THBS3: variants seen among roughly 807,000 people sequenced by gnomAD.
THBS3 encodes thrombospondin 3, also known as thrombospondin-3.
THBS3 carries 78 observed loss-of-function variants against 118.3 expected under a neutral mutation model. That is an observed-to-expected ratio of 0.66 (90% CI 0.55 to 0.80). The LOEUF (loss-of-function observed/expected upper bound fraction) is 0.80, where lower values mean the gene tolerates loss of function less well. Among genes scored for constraint, THBS3 ranks in the 30% least tolerant of loss-of-function variants. The probability of loss-of-function intolerance (pLI) is 0.00; values close to 1 mark genes in which losing one functional copy is unlikely to be tolerated. For missense variants in THBS3, 1,057 were observed against 1,247.4 expected, an observed-to-expected ratio of 0.85 and a Z score of 2.30; for synonymous variants, 427 against 475.3, an observed-to-expected ratio of 0.90 and a Z score of 1.32.
In THBS3 at chr1:155,206,710, C is replaced by T. The variant is rs1020391541; in HGVS notation, c.80-304G>A. Among the ~76,000 whole-genome samples the T allele has an allele frequency of 3.9e-5, 6 of 152,120 alleles. No individual in the cohort carries two copies. Among genetic ancestry groups the T allele is most frequent in the South Asian group, 4.2e-4 (2 of 4,816 alleles). On this transcript the variant is annotated intron_variant, in intron 1 of 22. Coordinates refer to ENST00000368378, the MANE Select transcript of THBS3 (RefSeq NM_007112.5). This position sits in a 1 kb window ranked among gnomAD's most constrained non-coding sequence, Gnocchi z 4.2. The stretch of plus-strand genomic sequence containing the variant: ...AAAACCACCTAGCCGGGCGTGGTGG[C>T]GGGCACCTGTAATCCCAGCTACTCA...
intron 21 of THBS3, chr1:155,196,704 G>C (rs1019449527): frequency 3.3e-6 from 1 of 298,584 alleles, no homozygotes; most frequent in Non-Finnish European, 6.3e-6. Flanking sequence ...TTCCAGGTCA[G>C]ATGATCCCTA....
rs1430492921 is a variant in THBS3, at chr1:155,205,246, A to G, written c.357T>C (p.Asp119=). ...AVNLQQAGLA[D]GRTHTVLLRL... ...GCAGGAGAACTGTGTGTGTGCGCCC[A>G]TCAGCCAGGCCCGCTTGCTGTAGGT... Residue 119 remains aspartate (D), a synonymous_variant, in exon 3 of 23, where the codon GAT becomes GAC. Coordinates refer to ENST00000368378, the MANE Select transcript of THBS3 (RefSeq NM_007112.5). The G allele has an allele frequency of 6.2e-7, 1 of 1,614,138 alleles. No individual in the cohort carries two copies. Among genetic ancestry groups the G allele is most frequent in the Admixed American group, 1.7e-5 (1 of 60,016 alleles).
At chr1:155,201,816 A>G in intron 10 of THBS3, 141 bp downstream of exon 10, 1 of 1,308,560 alleles carries the variant, frequency 7.6e-7, no homozygotes. Context: ...AGTATTCCAA[A>G]CCAAGTCCAT....
Position 155,206,221 on chromosome 1 carries a change from C to T in THBS3, c.265G>A (p.Val89Ile). 1.2e-6 allele frequency: 2 copies of T among 1,614,122 alleles called. No homozygotes were observed. Among genetic ancestry groups the T allele is most frequent in the Non-Finnish European group, 1.7e-6 (2 of 1,180,022 alleles). Residue 89 changes from valine to isoleucine, a missense_variant, in exon 2 of 23, where the codon GTT becomes ATT. Transcript: ENST00000368378. This position sits in a 1 kb window ranked among gnomAD's most constrained non-coding sequence, Gnocchi z 4.2. ...QDNTRWLEAS[V>I]VGKINKVLVR... ...TCACCTTTGTTGATCTTGCCTACAA[C>T]AGAGGCCTCCAGCCATCGAGTGTTG...
intron 5 of THBS3, 42 bp from the exon 6 acceptor site, chr1:155,203,347 C>T: frequency 6.2e-7 from 1 of 1,607,628 alleles, no homozygotes; most frequent in Non-Finnish European, 8.5e-7. Context: ...ACTGGAGCAC[C>T]AGTCCTGGGC....
rs1177914556 is a variant in THBS3, at chr1:155,197,545, A to G, written c.2417T>C (p.Val806Ala). ...CTGCTCGGTCTGCTTCCACATGACT[A>G]CGTAGAAGCGGCCACTGTCTTGATA... ...FSYQDSGRFY[V>A]VMWKQTEQTY... The change falls in exon 20 of 23, where the codon GTA (valine) becomes GCA (alanine). Residue 806 changes from valine to alanine, a missense_variant. Transcript: ENST00000368378. This position sits in a 1 kb window ranked among gnomAD's most constrained non-coding sequence, Gnocchi z 5.0. 1 of 1,614,066 alleles carries G rather than the reference A, an allele frequency of 6.2e-7. No individual in the cohort carries two copies. The highest frequency in any genetic ancestry group is 1.7e-5 in the Admixed American group (1 of 60,018).
rs977784163 is a variant in THBS3 at position 155,206,148 on chromosome 1, G to A, written c.286+52C>T. The A allele has an allele frequency of 6.3e-6, 10 of 1,590,018 alleles. No individual in the cohort carries two copies. The highest frequency in any genetic ancestry group is 8.6e-6 in the Non-Finnish European group (10 of 1,161,774). On this transcript the variant is annotated intron_variant, in intron 2 of 22. Coordinates refer to ENST00000368378, the MANE Select transcript of THBS3 (RefSeq NM_007112.5). This position sits in a 1 kb window ranked among gnomAD's most constrained non-coding sequence, Gnocchi z 4.2. ...AAGCACTTGGGAAGTAGGGATGAGG[G>A]AGAGTGCTTAAGGAGGTCACCATTG...
At chr1:155,198,320 T>C in intron 17 of THBS3, 89 bp downstream of exon 17, 1 of 1,585,760 alleles carries the variant, frequency 6.3e-7, no homozygotes, top group Non-Finnish European at 8.6e-7. Flanking sequence ...TTTCCCCACC[T>C]TGCCCTTCCT....
At chr1:155,208,001 G>A (rs891127688), upstream of THBS3, 2 of 440,104 alleles carry the variant, frequency 4.5e-6, no homozygotes, top group African/African-American at 4.2e-5. Flanking sequence ...GCGGGTGAGG[G>A]GGGGCTGAAA....
rs756162830 is a variant in THBS3, at chr1:155,198,445, G to A, written c.2038C>T (p.Arg680Cys). The part of the protein sequence containing the change: ...DYVPPGPDNC[R>C]LVPNPNQKDS... ...TTCTGATTGGGATTGGGTACCAGGC[G>A]GCAGTTATCGGGACCAGGAGGCACA... The change falls in exon 17 of 23, where the codon CGC (arginine) becomes TGC (cysteine). Residue 680 changes from arginine (R) to cysteine (C), a missense_variant. Coordinates refer to ENST00000368378, the MANE Select transcript of THBS3 (RefSeq NM_007112.5). The A allele has an allele frequency of 9.9e-6, 16 of 1,614,006 alleles. No homozygotes were observed. Among genetic ancestry groups the A allele is most frequent in the South Asian group, 4.4e-5 (4 of 91,080 alleles).
rs199647489 is a variant in THBS3 at position 155,196,143 on chromosome 1, G to T, written c.2673-17C>A. On this transcript the variant is annotated splice_polypyrimidine_tract_variant and intron_variant, in intron 21 of 22. Coordinates refer to ENST00000368378, the MANE Select transcript of THBS3 (RefSeq NM_007112.5). ...AGCTTCACCCTGTCCAGGATTCCAG[G>T]ATAGGAGTATCCATTGGTGCTAGGG... 1 of 1,613,658 alleles carries T rather than the reference G, an allele frequency of 6.2e-7. No homozygotes were observed. The highest frequency in any genetic ancestry group is 1.1e-5 in the South Asian group (1 of 91,060).
At chr1:155,201,869 C>A in intron 10 of THBS3, 88 bp downstream of exon 10, 1 of 1,580,418 alleles carries the variant, frequency 6.3e-7, no homozygotes. Flanking sequence ...GGAGGAAAGG[C>A]AGCAGGAAAT....
Position 155,197,819 on chromosome 1 carries a change from C to G in THBS3, c.2302+61G>C. On this transcript the variant is annotated intron_variant, in intron 19 of 22. Transcript: ENST00000368378. The surrounding 1 kb of genome is among the most constrained non-coding windows in gnomAD (Gnocchi z 5.0). ...TTCTCCCTGTCTGTTTCCTCCCCTA[C>G]CCTCTGCCCCTATAGGATTCCTCCA... The G allele has an allele frequency of 6.2e-7, 1 of 1,611,114 alleles. No homozygotes were observed. Among genetic ancestry groups the G allele is most frequent in the Non-Finnish European group, 8.5e-7 (1 of 1,177,510 alleles).
intron 16 of THBS3, among the ~76,000 whole-genome samples, chr1:155,199,360 AGATCAT>A (rs1669268497): frequency 6.6e-6 from 1 of 151,168 alleles, no homozygotes; most frequent in Non-Finnish European, 1.5e-5. Flanking sequence ...CAGTGAGCCG[AGATCAT>A]GCCACTGTAC....
chr1:155,199,411 A>C (rs1159753442), intron 16 of THBS3, among the ~76,000 whole-genome samples: 1 of 32,078 alleles, frequency 3.1e-5, no homozygotes, highest in South Asian at 9.2e-4. Context: ...CTCCGTCTCA[A>C]AAAAAAAAAA....
chr1:155,198,043 T>TG lies in THBS3; in HGVS notation c.2251dup (p.Gln751ProfsTer12). On this transcript the variant is annotated frameshift_variant and splice_region_variant, in exon 18 of 23. Transcript: ENST00000368378. LOFTEE classifies it high-confidence loss of function. Reference sequence around the variant, plus strand: ...GCCCAGCCCACTGCCCCGAGTTACCTGGTTGAGCACAACCCAGTTTGGGTC... The same window carrying TG: ...GCCCAGCCCACTGCCCCGAGTTACCTGGGTTGAGCACAACCCAGTTTGGGTC... 6.2e-7 allele frequency: 1 copy of TG among 1,614,188 alleles called. No homozygotes were observed. Among genetic ancestry groups the TG allele is most frequent in the Non-Finnish European group, 8.5e-7 (1 of 1,180,022 alleles).
intron 16 of THBS3, 74 bp from the exon 17 acceptor site, chr1:155,198,676 GTC>G (rs1669109574): frequency 1.4e-6 from 2 of 1,472,192 alleles, no homozygotes; most frequent in Non-Finnish European, 1.9e-6. Context: ...CTGCCTGGGA[GTC>G]TCTGGAGCCT....
At position 155,202,697 on chromosome 1, in the gene THBS3, T is replaced by C; in HGVS notation, c.957+115A>G. ...TCTTGCATTTCTCTTGCCTCTGACC[T>C]CTCCTAAACTCCAGATTCCTCTCCT... is the stretch of plus-strand genomic sequence containing the variant. On this transcript the variant is annotated intron_variant, in intron 8 of 22. Transcript: ENST00000368378. This position sits in a 1 kb window ranked among gnomAD's most constrained non-coding sequence, Gnocchi z 5.5. 1 of 1,429,550 alleles carries C rather than the reference T, an allele frequency of 7.0e-7. No homozygotes were observed. Among genetic ancestry groups the C allele is most frequent in the Non-Finnish European group, 9.4e-7 (1 of 1,060,562 alleles). The allele number at this position is 1,429,550 out of a possible 1,614,324, so 88.6% of individuals were successfully genotyped here. A position where few individuals can be genotyped will look rare whatever the true frequency, so the allele number is the denominator to read the frequency against.
At chr1:155,203,339 T>C in intron 5 of THBS3, 34 bp from the exon 6 acceptor site, 1 of 1,611,076 alleles carries the variant, frequency 6.2e-7, no homozygotes, top group African/African-American at 1.3e-5. Flanking sequence ...GGTTCAGTAC[T>C]GGAGCACCAG....
Sources: gnomAD v4.1 joint callset for allele counts (sites outside exome capture counted in the v4.1 genomes callset) on GRCh38, gnomAD v4.1.1 for gene constraint, Gnocchi (gnomAD v3.1) non-coding constraint, MANE v1.5 for transcripts, NCBI Gene and HGNC (gene_info 2026-07-23, HGNC 2026-07-21) for gene names.